The following TMEM18 variants were observed in gnomAD, a reference collection of about 807,000 sequenced individuals.
TMEM18 encodes transmembrane protein 18.
TMEM18 carries 14 observed loss-of-function variants against 17.4 expected under a neutral mutation model. The ratio of observed to expected loss-of-function variants is 0.80; its 90% CI spans 0.53 to 1.25. The LOEUF is 1.25. Ranked by LOEUF, TMEM18 falls within the 50% of genes most tolerant of loss-of-function variation. The pLI, the probability that TMEM18 is intolerant of heterozygous loss-of-function variation, is 0.00. For synonymous variants in TMEM18, 86 were observed against 66.1 expected (o/e 1.30, Z -1.46); for missense variants, 187 against 172.1 (o/e 1.09, Z -0.48).
At position 664,748 on chromosome 2, in the gene TMEM18, T is replaced by C. The variant is rs149740125; in HGVS notation, c.*4832A>G. Among the ~76,000 whole-genome samples, 518 of 152,364 alleles carry C rather than the reference T, an allele frequency of 3.4e-3. 2 individuals are homozygous for C. The highest frequency in any genetic ancestry group is 4.3e-3 in the Non-Finnish European group (295 of 68,040). The stretch of plus-strand genomic sequence containing the variant: ...GTTATATATGTTGACTAAATTTCAC[T>C]TGTAAGAATTTATTCCAAGTCAATA... On this transcript the variant is annotated 3_prime_UTR_variant, in exon 5 of 5. Transcript: ENST00000281017.
chr2:671,263 T>C lies in TMEM18; in HGVS notation c.234-1413A>G, dbSNP rs114818318. Among the ~76,000 whole-genome samples, 786 of 152,244 alleles carry C rather than the reference T, an allele frequency of 5.2e-3. 9 individuals carry two copies. Among genetic ancestry groups the C allele is most frequent in the African/African-American group, 0.018 (749 of 41,550 alleles). Reference sequence around the variant, plus strand: ...GGGAAGGGAGGGGCCAGAAAGGTGCTGCACCCTGGAGCTGGGTGTGGGAGG... The same window carrying C: ...GGGAAGGGAGGGGCCAGAAAGGTGCCGCACCCTGGAGCTGGGTGTGGGAGG... On this transcript the variant is annotated intron_variant, in intron 3 of 4. Coordinates refer to ENST00000281017, the MANE Select transcript of TMEM18 (RefSeq NM_152834.4).
intron 1 of TMEM18, chr2:676,081 T>C: frequency 7.6e-7 from 1 of 1,321,402 alleles, no homozygotes; most frequent in Non-Finnish European, 1.0e-6. Context: ...ACATGAATCA[T>C]CATTTCAGAC....
chr2:675,211 G>A (rs779804805), intron 2 of TMEM18, among the ~76,000 whole-genome samples: 7 of 152,198 alleles, frequency 4.6e-5, no homozygotes, highest in Admixed American at 6.5e-5. Context: ...CACCAAGGAC[G>A]CATCTTGTGT....
chr2:675,800 G>A lies in TMEM18; in HGVS notation c.58-170C>T, dbSNP rs557246441. Reference sequence around the variant, plus strand: ...TTGCCAGGCCTCAGAGAAACATGGGGACAGGAAAGGGAGAAGGAACCAGGA... The same window carrying A: ...TTGCCAGGCCTCAGAGAAACATGGGAACAGGAAAGGGAGAAGGAACCAGGA... On this transcript the variant is annotated intron_variant, in intron 1 of 4. Coordinates refer to ENST00000281017, the MANE Select transcript of TMEM18 (RefSeq NM_152834.4). 34 of 1,531,414 alleles carry A rather than the reference G, an allele frequency of 2.2e-5. 1 individual carries two copies. Among genetic ancestry groups the A allele is most frequent in the Non-Finnish European group, 2.8e-5 (32 of 1,144,056 alleles). 94.9% of individuals were successfully genotyped at this position (1,531,414 alleles called of 1,614,324 possible). A position where few individuals can be genotyped will look rare whatever the true frequency, so the allele number is the denominator to read the frequency against.
chr2:669,492 G>T lies in TMEM18; in HGVS notation c.*88C>A. The T allele has an allele frequency of 7.7e-7, 1 of 1,306,678 alleles. No homozygotes were observed. Among genetic ancestry groups the T allele is most frequent in the Non-Finnish European group, 1.1e-6 (1 of 920,774 alleles). The allele number at this position is 1,306,678 out of a possible 1,614,324, so 80.9% of individuals were successfully genotyped here. On this transcript the variant is annotated 3_prime_UTR_variant, in exon 5 of 5. Transcript: ENST00000281017. ...CGGTTTTTCAAACCATGAGTCAGCT[G>T]GAAGGATGCCCACGCCACGCACACT...
At chr2:676,456 C>T (rs887752751) in intron 1 of TMEM18, 1 of 1,152,258 alleles carries the variant, frequency 8.7e-7, no homozygotes, top group African/African-American at 1.8e-5. Flanking sequence ...AGCTGCAGCC[C>T]GGCACAGCCC....
intron 2 of TMEM18, among the ~76,000 whole-genome samples, chr2:674,969 T>C (rs1678957678): frequency 6.6e-6 from 1 of 152,240 alleles, no homozygotes; most frequent in Non-Finnish European, 1.5e-5. Context: ...GGCCGTCACC[T>C]GCTCCCTCTC....
intron 2 of TMEM18, 53 bp from the exon 3 acceptor site, chr2:672,915 T>G: frequency 7.0e-7 from 1 of 1,437,674 alleles, no homozygotes; most frequent in Non-Finnish European, 9.3e-7. Flanking sequence ...TATTACTCGT[T>G]ATAAAGTTAT....
Position 669,324 on chromosome 2 carries a change from T to C in TMEM18, c.*256A>G, listed in dbSNP as rs962212732. 14 of 479,764 alleles carry C rather than the reference T, an allele frequency of 2.9e-5. No homozygotes were observed. The highest frequency in any genetic ancestry group is 2.5e-4 in the African/African-American group (13 of 51,930). The allele number at this position is 479,764 out of a possible 1,614,324, so 29.7% of individuals were successfully genotyped here. On this transcript the variant is annotated 3_prime_UTR_variant, in exon 5 of 5. Transcript: ENST00000281017. ...CTTCTTCAAATCAAATTCCCAGTTA[T>C]GAAGCTCTGCAGAGACCGTTCCCAC... is the stretch of plus-strand genomic sequence containing the variant.
intron 1 of TMEM18, chr2:676,363 C>G (rs1379182327): frequency 4.9e-6 from 7 of 1,417,320 alleles, no homozygotes; most frequent in Non-Finnish European, 6.6e-6. Flanking sequence ...CCTCCTTGAG[C>G]GCCCTCCTGC....
At chr2:672,661 G>C (rs1319810435) in intron 3 of TMEM18, 147 bp downstream of exon 3, 2 of 577,932 alleles carry the variant, frequency 3.5e-6, no homozygotes, top group African/African-American at 3.9e-5. Context: ...TCACCCTGGA[G>C]CCCACCAACC....
chr2:676,277 G>C (rs1361322797), intron 1 of TMEM18: 1 of 1,466,202 alleles, frequency 6.8e-7, no homozygotes, highest in Non-Finnish European at 9.1e-7. Flanking sequence ...GAAGTAGCCA[G>C]GCTCAGATCC....
Position 672,881 on chromosome 2 carries a change from CAT to C in TMEM18, c.179-21_179-20del. 6.6e-7 allele frequency: 1 copy of C among 1,510,204 alleles called. No homozygotes were observed. Among genetic ancestry groups the C allele is most frequent in the Non-Finnish European group, 8.8e-7 (1 of 1,142,512 alleles). 93.6% of individuals were successfully genotyped at this position (1,510,204 alleles called of 1,614,324 possible). On this transcript the variant is annotated intron_variant, in intron 2 of 4. Coordinates refer to ENST00000281017, the MANE Select transcript of TMEM18 (RefSeq NM_152834.4). ...AAGATGACTGAAAAAAGGTACAAGT[CAT>C]ATTAGAATTTAGATGGCCCGTTATT...
rs550639787 is a variant in TMEM18, at chr2:666,801, G to C, written c.*2779C>G. Among the ~76,000 whole-genome samples the C allele has an allele frequency of 2.0e-5, 3 of 152,120 alleles. No individual in the cohort carries two copies. Among genetic ancestry groups the C allele is most frequent in the African/African-American group, 2.4e-5 (1 of 41,410 alleles). On this transcript the variant is annotated 3_prime_UTR_variant, in exon 5 of 5. Coordinates refer to ENST00000281017, the MANE Select transcript of TMEM18 (RefSeq NM_152834.4). ...CAGCAAGAGGGGCTTCAGTAAAGAGGGGAAGGCTGCACTGAAAACATGTTC... is the reference window on the plus strand; with the variant it reads ...CAGCAAGAGGGGCTTCAGTAAAGAGCGGAAGGCTGCACTGAAAACATGTTC...
In TMEM18 at chr2:666,533, CCA is replaced by C. The variant is rs1678695134; in HGVS notation, c.*3045_*3046del. On this transcript the variant is annotated 3_prime_UTR_variant, in exon 5 of 5. Transcript: ENST00000281017. Reference sequence around the variant, plus strand: ...ATGCTTGCTGTCAACTGTTCCAGCCCCACTCGGAACAAGCTGCCACCAACGCA... The same window carrying C: ...ATGCTTGCTGTCAACTGTTCCAGCCCCTCGGAACAAGCTGCCACCAACGCA... Among the ~76,000 whole-genome samples the C allele has an allele frequency of 1.3e-5, 2 of 152,280 alleles. No individual in the cohort carries two copies. The highest frequency in any genetic ancestry group is 4.1e-4 in the South Asian group (2 of 4,824).
Position 669,499 on chromosome 2 carries a change from T to A in TMEM18, c.*81A>T. 7.3e-7 allele frequency: 1 copy of A among 1,362,666 alleles called. No homozygotes were observed. Among genetic ancestry groups the A allele is most frequent in the Non-Finnish European group, 1.0e-6 (1 of 969,782 alleles). The allele number at this position is 1,362,666 out of a possible 1,614,324, so 84.4% of individuals were successfully genotyped here. ...TCAAACCATGAGTCAGCTGGAAGGA[T>A]GCCCACGCCACGCACACTGCAGCAC... On this transcript the variant is annotated 3_prime_UTR_variant, in exon 5 of 5. Transcript: ENST00000281017.
In TMEM18 at chr2:675,656, C is replaced by G. The variant is rs571877834; in HGVS notation, c.58-26G>C. 13 of 1,610,708 alleles carry G rather than the reference C, an allele frequency of 8.1e-6. No individual in the cohort carries two copies. In the East Asian group the frequency reaches 2.5e-4, roughly 30 times the overall value. ...CTGTAGGAACACACCAGCAGACACTCACTGTCCTGCCACTCAAGGCCGGGT... is the reference window on the plus strand; with the variant it reads ...CTGTAGGAACACACCAGCAGACACTGACTGTCCTGCCACTCAAGGCCGGGT... On this transcript the variant is annotated intron_variant, in intron 1 of 4. Transcript: ENST00000281017.
In TMEM18 at chr2:667,566, C is replaced by T. The variant is rs1489258780; in HGVS notation, c.*2014G>A. 1.3e-5 allele frequency: 2 copies of T among 152,200 alleles called. No homozygotes were observed. The highest frequency in any genetic ancestry group is 4.8e-5 in the African/African-American group (2 of 41,428). The allele number at this position is 152,200 out of a possible 1,614,324, so 9.4% of individuals were successfully genotyped here. The stretch of plus-strand genomic sequence containing the variant: ...CCAGTGCTTTAAAGTGGGATTGCAC[C>T]TGTGCTTTCGTAAATTACTCAACTG... On this transcript the variant is annotated 3_prime_UTR_variant, in exon 5 of 5. Coordinates refer to ENST00000281017, the MANE Select transcript of TMEM18 (RefSeq NM_152834.4).
intron 2 of TMEM18, among the ~76,000 whole-genome samples, chr2:673,758 G>C (rs1200376604): frequency 7.2e-6 from 1 of 138,354 alleles, no homozygotes; most frequent in Non-Finnish European, 1.6e-5. Context: ...AGGAGGGGGA[G>C]GATGGGGGGG....
Sources: gnomAD v4.1 joint callset for allele counts (sites outside exome capture counted in the v4.1 genomes callset) on GRCh38, gnomAD v4.1.1 for gene constraint, MANE v1.5 for transcripts, NCBI Gene and HGNC (gene_info 2026-07-23, HGNC 2026-07-21) for gene names.